Variants in NR5A2 observed in about 807,000 individuals in gnomAD.
The protein encoded by NR5A2 is CYP7A promoter-binding factor.
NR5A2 carries 26 observed loss-of-function variants against 62.7 expected under a neutral mutation model. The observed-to-expected ratio is 0.41, with a 90% CI of 0.30 to 0.58. NR5A2 has a LOEUF of 0.58. Ranked by LOEUF, NR5A2 falls within the 20% of genes least tolerant of loss-of-function variation. NR5A2 has a pLI of 0.22. For synonymous variants in NR5A2, 246 were observed against 241.7 expected (o/e 1.02, Z -0.16); for missense variants, 541 against 669.1 (o/e 0.81, Z 2.11).
chr1:200,050,142 C>CTG (rs1662558792), intron 5 of NR5A2, among the ~76,000 whole-genome samples: 1 of 152,164 alleles, frequency 6.6e-6, no homozygotes, highest in Non-Finnish European at 1.5e-5. Context: ...CAGATATTTT[C>CTG]CGAGTATGTG....
chr1:200,091,117 G>A (rs558054167), intron 5 of NR5A2, among the ~76,000 whole-genome samples: 166 of 152,140 alleles, frequency 1.1e-3, no homozygotes, highest in Middle Eastern at 3.4e-3. Flanking sequence ...ATAAAAGACT[G>A]GAGTTATTGC....
At chr1:200,104,313 A>C (rs1665542437) in intron 5 of NR5A2, among the ~76,000 whole-genome samples, 1 of 152,156 alleles carries the variant, frequency 6.6e-6, no homozygotes, top group Non-Finnish European at 1.5e-5. Flanking sequence ...AATCATTGTT[A>C]ATGTGAAATC....
intron 7 of NR5A2, among the ~76,000 whole-genome samples, chr1:200,173,676 A>G (rs1416387867): frequency 6.6e-6 from 1 of 152,186 alleles, no homozygotes; most frequent in Non-Finnish European, 1.5e-5. Context: ...GGAATCCTCA[A>G]TCCTTTCCTT....
At chr1:200,075,909 TAAG>T (rs1664011334) in intron 5 of NR5A2, among the ~76,000 whole-genome samples, 2 of 152,230 alleles carry the variant, frequency 1.3e-5, no homozygotes, top group Non-Finnish European at 2.9e-5. Context: ...TTTTTTTTGT[TAAG>T]AAACAATAGT....
chr1:200,144,604 C>T (rs1005664186), intron 7 of NR5A2, among the ~76,000 whole-genome samples: 6 of 152,194 alleles, frequency 3.9e-5, no homozygotes, highest in Non-Finnish European at 8.8e-5. Context: ...ATTTTTATTA[C>T]ATTTGCCATG....
At chr1:200,032,363 T>G (rs1400987765) in intron 1 of NR5A2, among the ~76,000 whole-genome samples, 1 of 152,236 alleles carries the variant, frequency 6.6e-6, no homozygotes, top group Non-Finnish European at 1.5e-5. Flanking sequence ...TTGTCTCTTC[T>G]TTAGTCTTTT....
rs1477126416 is a variant in NR5A2, at chr1:200,176,143, T to G, written c.*1933T>G. ...AATCTTCATCATTCCTACTGTAGTT[T>G]ATTTAATATCTATTGTAAATTATGT... On this transcript the variant is annotated 3_prime_UTR_variant, in exon 8 of 8. Transcript: ENST00000367362. 6.6e-6 allele frequency: 1 copy of G among 152,662 alleles called. No homozygotes were observed. Among genetic ancestry groups the G allele is most frequent in the East Asian group, 1.9e-4 (1 of 5,200 alleles). 9.5% of individuals were successfully genotyped at this position (152,662 alleles called of 1,614,324 possible).
chr1:200,139,982 G>C (rs1435872807), intron 7 of NR5A2, among the ~76,000 whole-genome samples: 1 of 152,138 alleles, frequency 6.6e-6, no homozygotes, highest in Non-Finnish European at 1.5e-5. Context: ...TTCACAATGG[G>C]TTTTAAAATT....
At chr1:200,082,681 G>T (rs1290833658) in intron 5 of NR5A2, among the ~76,000 whole-genome samples, 1 of 152,042 alleles carries the variant, frequency 6.6e-6, no homozygotes, top group Non-Finnish European at 1.5e-5. Flanking sequence ...CATGATTTTA[G>T]TATATTAATT....
Position 200,174,353 on chromosome 1 carries a change from A to G in NR5A2, c.*143A>G. On this transcript the variant is annotated 3_prime_UTR_variant, in exon 8 of 8. Transcript: ENST00000367362. ...AACTTGCTTTAAAGATATTGAATTT[A>G]AAAAGGCATAATAATCAAATACTTA... 2 of 785,720 alleles carry G rather than the reference A, an allele frequency of 2.5e-6. No homozygotes were observed. The highest frequency in any genetic ancestry group is 3.6e-6 in the Non-Finnish European group (2 of 553,772). 48.7% of individuals were successfully genotyped at this position (785,720 alleles called of 1,614,324 possible).
chr1:200,048,080 T>C lies in NR5A2; in HGVS notation c.464-92T>C. ...AAACAACCACACACATACCACTTCT[T>C]GTCGATTTACATTTCTAAATATCTG... is the stretch of plus-strand genomic sequence containing the variant. On this transcript the variant is annotated intron_variant, in intron 4 of 7. Coordinates refer to ENST00000367362, the MANE Select transcript of NR5A2 (RefSeq NM_205860.3). The surrounding 1 kb of genome is among the most constrained non-coding windows in gnomAD (Gnocchi z 4.8). The C allele has an allele frequency of 2.4e-6, 3 of 1,255,092 alleles. No individual in the cohort carries two copies. Among genetic ancestry groups the C allele is most frequent in the Non-Finnish European group, 3.3e-6 (3 of 901,272 alleles). The allele number at this position is 1,255,092 out of a possible 1,614,324, so 77.7% of individuals were successfully genotyped here. A position where few individuals can be genotyped will look rare whatever the true frequency, so the allele number is the denominator to read the frequency against.
intron 7 of NR5A2, among the ~76,000 whole-genome samples, chr1:200,167,783 T>G (rs1449230135): frequency 6.6e-6 from 1 of 152,202 alleles, no homozygotes; most frequent in Non-Finnish European, 1.5e-5. Flanking sequence ...TTTCCTTCTC[T>G]AGGGTTTGTA....
chr1:200,162,804 G>A (rs1653702501), intron 7 of NR5A2, among the ~76,000 whole-genome samples: 1 of 152,172 alleles, frequency 6.6e-6, no homozygotes, highest in South Asian at 2.1e-4. Context: ...GTAACGGGAT[G>A]GATTCTTAGT....
intron 5 of NR5A2, among the ~76,000 whole-genome samples, chr1:200,059,243 G>T (rs1470421461): frequency 6.6e-6 from 1 of 152,108 alleles, no homozygotes; most frequent in African/African-American, 2.4e-5. Context: ...GCAAAACCAG[G>T]CTATATATAA....
At chr1:200,123,976 G>T (rs1279922308) in intron 7 of NR5A2, among the ~76,000 whole-genome samples, 1 of 151,642 alleles carries the variant, frequency 6.6e-6, no homozygotes, top group Non-Finnish European at 1.5e-5. Context: ...TAATTTTTTT[G>T]TATTTTTAGT....
At chr1:200,034,110 A>C (rs1348862602) in intron 1 of NR5A2, among the ~76,000 whole-genome samples, 1 of 152,172 alleles carries the variant, frequency 6.6e-6, no homozygotes. Flanking sequence ...ATCTCGTGCT[A>C]AGGATTTTGT....
chr1:200,099,783 G>A (rs531969058), intron 5 of NR5A2, among the ~76,000 whole-genome samples: 2 of 151,928 alleles, frequency 1.3e-5, no homozygotes, highest in African/African-American at 2.4e-5. Flanking sequence ...TAGTAGAGAC[G>A]GAGTTTCACC....
intron 7 of NR5A2, among the ~76,000 whole-genome samples, chr1:200,156,686 C>T (rs546101352): frequency 2.0e-5 from 3 of 152,178 alleles, no homozygotes; most frequent in African/African-American, 4.8e-5. Flanking sequence ...TGTGAGCCAC[C>T]GCACCTGGCC....
At chr1:200,164,462 T>C (rs1022811400) in intron 7 of NR5A2, among the ~76,000 whole-genome samples, 1 of 152,124 alleles carries the variant, frequency 6.6e-6, no homozygotes, top group Admixed American at 6.5e-5. Flanking sequence ...AACTGACATA[T>C]ACATTACATT....
Sources: allele counts gnomAD v4.1 joint callset (sites outside exome capture counted in the v4.1 genomes callset), GRCh38; gene constraint gnomAD v4.1.1; non-coding constraint Gnocchi (gnomAD v3.1); transcripts MANE v1.5; gene names NCBI Gene and HGNC (gene_info 2026-07-23, HGNC 2026-07-21).